The following SLX9 variants were observed in gnomAD, a reference collection of about 807,000 sequenced individuals.
The protein encoded by SLX9 is ribosome biogenesis protein SLX9 homolog.
Under a neutral mutation model 20.8 loss-of-function variants are expected in SLX9, and 19 were observed. The ratio of observed to expected loss-of-function variants is 0.91; its 90% CI spans 0.64 to 1.34. The LOEUF is 1.34. SLX9 is among the 40% of genes most tolerant of loss of function. The pLI, the probability that SLX9 is intolerant of heterozygous loss-of-function variation, is 0.00. For missense variants in SLX9, 299 were observed against 322.2 expected (o/e 0.93, Z 0.55); for synonymous variants, 113 against 137.1 (o/e 0.82, Z 1.23).
At chr21:44,939,721 A>T, upstream of SLX9, 1 of 484,910 alleles carries the variant, frequency 2.1e-6, no homozygotes, top group Non-Finnish European at 4.1e-6. Flanking sequence ...TAGAATTTTA[A>T]AAAGGCCATC....
At chr21:44,975,071 C>T (rs1240744125) in intron 5 of SLX9, among the ~76,000 whole-genome samples, 1 of 152,230 alleles carries the variant, frequency 6.6e-6, no homozygotes, top group African/African-American at 2.4e-5. Context: ...GAGGCCCCTT[C>T]CTTGTTCACT....
At chr21:44,955,510 G>A (rs2084839913) in intron 2 of SLX9, among the ~76,000 whole-genome samples, 1 of 152,198 alleles carries the variant, frequency 6.6e-6, no homozygotes, top group Non-Finnish European at 1.5e-5. Flanking sequence ...GACTTGGTCT[G>A]TCTGCTCCTT....
rs1226065531 is a variant in SLX9 at position 44,976,780 on chromosome 21, C to G, written c.670C>G (p.Leu224Val). The G allele has an allele frequency of 6.5e-7, 1 of 1,548,208 alleles. No homozygotes were observed. The highest frequency in any genetic ancestry group is 1.2e-5 in the South Asian group (1 of 84,254). Residue 224 changes from leucine (L) to valine (V), a missense_variant, in exon 6 of 6, where the codon CTG becomes GTG. Physicochemically the swap from Leu to Val is conservative, Grantham distance 32. Coordinates refer to ENST00000291634, the MANE Select transcript of SLX9 (RefSeq NM_058190.4). ...IGQTLARQMQ[L>V]EDGGQL is the part of the protein sequence containing the mutation. Reference sequence around the variant, plus strand: ...GCAGACGCTGGCCCGGCAGATGCAGCTGGAAGATGGCGGCCAGCTCTGACC... The same window carrying G: ...GCAGACGCTGGCCCGGCAGATGCAGGTGGAAGATGGCGGCCAGCTCTGACC...
intron 3 of SLX9, among the ~76,000 whole-genome samples, chr21:44,965,138 GT>G (rs2085011545): frequency 6.6e-6 from 1 of 152,086 alleles, no homozygotes; most frequent in Admixed American, 6.5e-5. Context: ...AAAACATAAA[GT>G]TTAGAATTAG....
At chr21:44,946,369 C>T (rs772592107) in intron 2 of SLX9, among the ~76,000 whole-genome samples, 5 of 152,196 alleles carry the variant, frequency 3.3e-5, no homozygotes, top group East Asian at 3.8e-4. Flanking sequence ...TAGCGTGGCC[C>T]GTTCTGGCGC....
intron 2 of SLX9, among the ~76,000 whole-genome samples, chr21:44,958,579 G>A (rs881317): frequency 0.4 from 60,789 of 152,190 alleles, 14,640 homozygotes; most frequent in South Asian, 0.65. Context: ...CCGCGGCACC[G>A]ACTGGATCTC....
intron 1 of SLX9, among the ~76,000 whole-genome samples, 183 bp downstream of exon 1, chr21:44,940,369 G>T (rs1352259727): frequency 6.6e-6 from 1 of 152,226 alleles, no homozygotes; most frequent in Non-Finnish European, 1.5e-5. Flanking sequence ...GCTCCGCTCT[G>T]CGCTGCCGTC....
rs1404326935 is a variant in SLX9, at chr21:44,953,071, C to G, written c.284-7029C>G. 3.3e-5 allele frequency among the ~76,000 whole-genome samples: 5 copies of G among 152,288 alleles called. No individual in the cohort carries two copies. The South Asian group carries it at 1.0e-3, about 32-fold the overall frequency. ...CAGGGCCCTGCCTCTGGCAGCCTCCCCCTTGGCATCCCACCTGGTGTGTTT... is the reference window on the plus strand; with the variant it reads ...CAGGGCCCTGCCTCTGGCAGCCTCCGCCTTGGCATCCCACCTGGTGTGTTT... On this transcript the variant is annotated intron_variant, in intron 2 of 5. Transcript: ENST00000291634.
chr21:44,971,777 AGGG>A (rs2085154494), intron 4 of SLX9, among the ~76,000 whole-genome samples: 3 of 152,094 alleles, frequency 2.0e-5, no homozygotes, highest in African/African-American at 7.2e-5. Flanking sequence ...GCTGCTGCTC[AGGG>A]GTGGACACAG....
chr21:44,962,822 A>G (rs2084968099), intron 3 of SLX9, among the ~76,000 whole-genome samples: 1 of 152,022 alleles, frequency 6.6e-6, no homozygotes, highest in South Asian at 2.1e-4. Context: ...CTTTGCCAAC[A>G]CATGGCCTGC....
At chr21:44,969,169 C>T (rs962261113) in intron 4 of SLX9, 13 of 470,696 alleles carry the variant, frequency 2.8e-5, no homozygotes, top group Non-Finnish European at 4.8e-5. Context: ...CCCAGCTGCC[C>T]AGGCTCGAGG....
intron 2 of SLX9, 136 bp downstream of exon 2, chr21:44,943,973 T>G: frequency 7.9e-7 from 1 of 1,263,804 alleles, no homozygotes; most frequent in Non-Finnish European, 1.1e-6. Context: ...CCCCTGGCTG[T>G]TTCTTGGGGC....
intron 2 of SLX9, among the ~76,000 whole-genome samples, chr21:44,948,976 G>C (rs1258418642): frequency 6.6e-6 from 1 of 152,238 alleles, no homozygotes; most frequent in African/African-American, 2.4e-5. Context: ...TCCTCCCAGA[G>C]CTTGTTGATG....
At chr21:44,970,307 A>G (rs1305581357) in intron 4 of SLX9, among the ~76,000 whole-genome samples, 1 of 152,244 alleles carries the variant, frequency 6.6e-6, no homozygotes, top group Admixed American at 6.5e-5. Context: ...GTTTACACAC[A>G]GCGTTACTTG....
At chr21:44,940,992 C>T (rs1301289001) in intron 1 of SLX9, among the ~76,000 whole-genome samples, 1 of 142,848 alleles carries the variant, frequency 7.0e-6, no homozygotes, top group East Asian at 2.0e-4. Flanking sequence ...TACTGATGTT[C>T]TGCCAGCCCA....
intron 4 of SLX9, among the ~76,000 whole-genome samples, chr21:44,967,990 C>T (rs916050269): frequency 6.6e-6 from 1 of 152,078 alleles, no homozygotes; most frequent in African/African-American, 2.4e-5. Context: ...CACAGCGCCC[C>T]TCCCCCGCCC....
chr21:44,967,664 C>T (rs1416157426), intron 4 of SLX9, among the ~76,000 whole-genome samples: 1 of 152,200 alleles, frequency 6.6e-6, no homozygotes, highest in Non-Finnish European at 1.5e-5. Context: ...CACTGCACAC[C>T]CTGTCCTGCC....
intron 2 of SLX9, among the ~76,000 whole-genome samples, chr21:44,953,449 C>T (rs937404267): frequency 2.0e-5 from 3 of 152,116 alleles, no homozygotes; most frequent in Non-Finnish European, 2.9e-5. Flanking sequence ...CCATCCCCGG[C>T]GGTGGGGCCC....
chr21:44,969,210 G>A (rs1215154940), intron 4 of SLX9: 1 of 469,974 alleles, frequency 2.1e-6, no homozygotes, highest in Non-Finnish European at 4.4e-6. Flanking sequence ...GGCCCAGGCA[G>A]CTCCAGGCTG....
Sources: gnomAD v4.1 joint callset for allele counts (sites outside exome capture counted in the v4.1 genomes callset) on GRCh38, gnomAD v4.1.1 for gene constraint, MANE v1.5 for transcripts, NCBI Gene and HGNC (gene_info 2026-07-23, HGNC 2026-07-21) for gene names.